Variants in OLFM3 observed in about 807,000 individuals in gnomAD.
OLFM3 encodes olfactomedin 3, also known as noelin-3.
A neutral mutation model predicts 48.6 loss-of-function variants in OLFM3; 20 were observed. The ratio of observed to expected loss-of-function variants is 0.41; its 90% CI spans 0.29 to 0.60. The LOEUF is 0.60. Among genes scored for constraint, OLFM3 ranks in the 20% least tolerant of loss-of-function variants. The pLI, the probability that OLFM3 is intolerant of heterozygous loss-of-function variation, is 0.28. For synonymous variants in OLFM3, 222 were observed against 198.1 expected (o/e 1.12, Z -1.01); for missense variants, 437 against 544.3 (o/e 0.80, Z 1.96).
intron 4 of OLFM3, among the ~76,000 whole-genome samples, chr1:101,823,166 A>G (rs1654689271): frequency 6.6e-6 from 1 of 152,046 alleles, no homozygotes; most frequent in African/African-American, 2.4e-5. Flanking sequence ...TGTAGAGTGA[A>G]CATGATAGAC....
chr1:101,808,339 G>T (rs1653880331), intron 4 of OLFM3, among the ~76,000 whole-genome samples: 1 of 149,100 alleles, frequency 6.7e-6, no homozygotes, highest in African/African-American at 2.5e-5. Flanking sequence ...TTTCCAGAAG[G>T]CAGGGTTGAT....
At chr1:101,952,674 A>AAATATAAACTACTAAGATATAT (rs1557743882) in intron 1 of OLFM3, among the ~76,000 whole-genome samples, 1 of 152,154 alleles carries the variant, frequency 6.6e-6, no homozygotes, top group Non-Finnish European at 1.5e-5. Flanking sequence ...TACTAAGATA[A>AAATATAAACTACTAAGATATAT]ATAAAATATA....
chr1:101,816,629 G>A lies in OLFM3; in HGVS notation c.592+8397C>T, dbSNP rs562569499. On this transcript the variant is annotated intron_variant, in intron 4 of 5. Transcript: ENST00000370103. The stretch of plus-strand genomic sequence containing the variant: ...CCACAGCATTCAATCATTGTATGAA[G>A]TTGGACAATGCCTTATTCTCTGGAG... Among the ~76,000 whole-genome samples, 6 of 152,276 alleles carry A rather than the reference G, an allele frequency of 3.9e-5. No homozygotes were observed. In the South Asian group the frequency reaches 1.2e-3, roughly 32 times the overall value.
At chr1:101,878,864 T>C (rs994567226) in intron 1 of OLFM3, among the ~76,000 whole-genome samples, 12 of 151,928 alleles carry the variant, frequency 7.9e-5, no homozygotes, top group Non-Finnish European at 1.5e-5. Flanking sequence ...AGAGCAGTTA[T>C]AGAAATAGCT....
At chr1:101,865,238 T>G (rs997135542) in intron 1 of OLFM3, among the ~76,000 whole-genome samples, 11 of 151,866 alleles carry the variant, frequency 7.2e-5, no homozygotes, top group Non-Finnish European at 1.5e-4. Flanking sequence ...GCAGTGCTCC[T>G]AATTGGAACA....
chr1:101,948,528 T>C (rs1040476560), intron 1 of OLFM3, among the ~76,000 whole-genome samples: 15 of 152,170 alleles, frequency 9.9e-5, no homozygotes, highest in Non-Finnish European at 7.4e-5. Flanking sequence ...TGCCAATTAT[T>C]TTTTAGTTTA....
chr1:101,938,591 T>A (rs191844685), intron 1 of OLFM3, among the ~76,000 whole-genome samples: 2 of 152,342 alleles, frequency 1.3e-5, no homozygotes, highest in East Asian at 3.9e-4. Context: ...GTTATGCACA[T>A]CATAGCACAG....
intron 4 of OLFM3, among the ~76,000 whole-genome samples, chr1:101,808,967 T>G (rs1011415695): frequency 1.3e-5 from 2 of 151,386 alleles, no homozygotes; most frequent in African/African-American, 4.8e-5. Flanking sequence ...ACAAAAGAAC[T>G]ATTAGAAAAC....
At position 101,807,465 on chromosome 1, in the gene OLFM3, G is replaced by GT. The variant is rs201067249; in HGVS notation, c.593-1284dup. On this transcript the variant is annotated intron_variant, in intron 4 of 5. Coordinates refer to ENST00000370103, the MANE Select transcript of OLFM3 (RefSeq NM_058170.4). The stretch of plus-strand genomic sequence containing the variant: ...TTTCTATTAGTTCCTGTTGGTTCTT[G>GT]TTTTTTTGGAAAGAAAAGAACACAT... Among the ~76,000 whole-genome samples the GT allele has an allele frequency of 5.7e-3, 868 of 151,574 alleles. 10 individuals are homozygous for GT. Among genetic ancestry groups the GT allele is most frequent in the African/African-American group, 0.02 (810 of 41,432 alleles).
Position 101,834,093 on chromosome 1 carries a change from T to C in OLFM3, c.216+2786A>G, listed in dbSNP as rs1655289940. Among the ~76,000 whole-genome samples, 5 of 152,232 alleles carry C rather than the reference T, an allele frequency of 3.3e-5. No individual in the cohort carries two copies. In the South Asian group the frequency reaches 1.0e-3, roughly 32 times the overall value. ...ACTGTGAAACCAATTATATTTTTTC[T>C]AATATTCAATAATATAAATACCTGT... On this transcript the variant is annotated intron_variant, in intron 2 of 5. Transcript: ENST00000370103.
intron 1 of OLFM3, among the ~76,000 whole-genome samples, chr1:101,957,981 A>G (rs1435861849): frequency 2.0e-5 from 3 of 152,082 alleles, no homozygotes; most frequent in Non-Finnish European, 4.4e-5. Flanking sequence ...AGGTGCAGCA[A>G]CTGTGGATTG....
chr1:101,890,982 T>C (rs1657972322), intron 1 of OLFM3, among the ~76,000 whole-genome samples: 1 of 151,972 alleles, frequency 6.6e-6, no homozygotes, highest in African/African-American at 2.4e-5. Flanking sequence ...CCTTATGCAA[T>C]ATAGCCTAAC....
intron 4 of OLFM3, among the ~76,000 whole-genome samples, chr1:101,810,825 TATA>T (rs1228604748): frequency 3.3e-5 from 5 of 151,718 alleles, no homozygotes; most frequent in Admixed American, 2.0e-4. Flanking sequence ...TATTATGAAT[TATA>T]ATATTTATCA....
intron 1 of OLFM3, among the ~76,000 whole-genome samples, chr1:101,987,592 A>G (rs1661282846): frequency 6.6e-6 from 1 of 152,146 alleles, no homozygotes; most frequent in African/African-American, 2.4e-5. Context: ...GATCACTCCC[A>G]GAAGAGATGG....
intron 1 of OLFM3, among the ~76,000 whole-genome samples, chr1:101,889,049 T>C (rs2101002086): frequency 6.6e-6 from 1 of 152,318 alleles, no homozygotes; most frequent in East Asian, 1.9e-4. Flanking sequence ...TTTTCACTGT[T>C]GGTGGGACTC....
chr1:101,832,488 T>A (rs927794789), intron 2 of OLFM3, among the ~76,000 whole-genome samples: 1 of 152,248 alleles, frequency 6.6e-6, no homozygotes, highest in African/African-American at 2.4e-5. Flanking sequence ...CATCTTGCCC[T>A]TTTTGGATCC....
chr1:101,819,945 A>C (rs1654530646), intron 4 of OLFM3, among the ~76,000 whole-genome samples: 1 of 152,088 alleles, frequency 6.6e-6, no homozygotes, highest in East Asian at 1.9e-4. Context: ...CTTGTCAAGC[A>C]GTAGGCATCC....
At chr1:101,893,526 G>A (rs951858050) in intron 1 of OLFM3, 7 of 285,908 alleles carry the variant, frequency 2.4e-5, no homozygotes, top group African/African-American at 6.8e-5. Context: ...CCAAAAACCA[G>A]GACTGGAGCC....
chr1:101,930,316 T>C (rs989592623), intron 1 of OLFM3, among the ~76,000 whole-genome samples: 5 of 152,182 alleles, frequency 3.3e-5, no homozygotes, highest in African/African-American at 9.7e-5. Context: ...AAGAATATAA[T>C]AGTGGCCATA....
Sources: gnomAD v4.1 joint callset for allele counts (sites outside exome capture counted in the v4.1 genomes callset) on GRCh38, gnomAD v4.1.1 for gene constraint, MANE v1.5 for transcripts, NCBI Gene and HGNC (gene_info 2026-07-23, HGNC 2026-07-21) for gene names.